Variants in SEC24D observed in about 807,000 individuals in gnomAD.
SEC24D encodes protein transport protein Sec24D.
SEC24D carries 69 observed loss-of-function variants against 116.9 expected under a neutral mutation model. That is an observed-to-expected ratio of 0.59 (90% confidence interval 0.49 to 0.72). The LOEUF (loss-of-function observed/expected upper bound fraction) is 0.72, where lower values mean the gene tolerates loss of function less well. SEC24D is among the 30% of genes least tolerant of loss of function. The probability of loss-of-function intolerance (pLI) is 0.00; values close to 1 mark genes in which losing one functional copy is unlikely to be tolerated. For synonymous variants in SEC24D, 405 were observed against 442.8 expected (o/e 0.91, Z 1.07); for missense variants, 1,131 against 1,264.1 (o/e 0.89, Z 1.60).
rs6843524 is a variant in SEC24D, at chr4:118,815,443, C to T, written c.673+8G>A. ...ACAAAGCCTTCCCCTGCACCCTGTC[C>T]GCCTTACCCTGCTGCGGAGGATATC... On this transcript the variant is annotated splice_region_variant and intron_variant, in intron 5 of 22. Transcript: ENST00000280551. 0.88 allele frequency: 1,424,057 copies of T among 1,613,090 alleles called. 629,744 individuals are homozygous for T. Among genetic ancestry groups the T allele is most frequent in the Middle Eastern group, 0.94 (5,504 of 5,868 alleles).
chr4:118,801,417 C>CA (rs1228464424), intron 7 of SEC24D, among the ~76,000 whole-genome samples: 1 of 151,934 alleles, frequency 6.6e-6, no homozygotes, highest in Non-Finnish European at 1.5e-5. Context: ...CCCAGGTAAG[C>CA]AGTAACAGAG....
At chr4:118,816,089 T>C in intron 4 of SEC24D, among the ~76,000 whole-genome samples, 3 of 27,272 alleles carry the variant, frequency 1.1e-4, no homozygotes, top group African/African-American at 2.5e-4. Context: ...GCCAAGTTCA[T>C]TTTTTTTTTT....
In SEC24D at chr4:118,780,906, G is replaced by GATTTTTTTTTTTTT. The variant is rs1728368824; in HGVS notation, c.1042-12596_1042-12595insAAAAAAAAAAAAAT. On this transcript the variant is annotated intron_variant, in intron 8 of 22. Coordinates refer to ENST00000280551, the MANE Select transcript of SEC24D (RefSeq NM_014822.4). ...ATCAGAGACTAGGATTGCAACCCCT[G>GATTTTTTTTTTTTT]CTTTTTTTTTTTTTTTTTTTTTTTT... is the stretch of plus-strand genomic sequence containing the variant. Among the ~76,000 whole-genome samples, 12 of 106,112 alleles carry GATTTTTTTTTTTTT rather than the reference G, an allele frequency of 1.1e-4. 1 individual carries two copies. Among genetic ancestry groups the GATTTTTTTTTTTTT allele is most frequent in the East Asian group, 2.8e-4 (1 of 3,584 alleles). The allele number at this position is 106,112 out of a possible 152,430, so 69.6% of individuals were successfully genotyped here.
At chr4:118,821,121 T>G (rs1049211892) in intron 3 of SEC24D, among the ~76,000 whole-genome samples, 1 of 152,136 alleles carries the variant, frequency 6.6e-6, no homozygotes, top group South Asian at 2.1e-4. Context: ...ACCTAGCCCA[T>G]AGAGAAAAAA....
At chr4:118,778,490 C>T (rs945926685) in intron 8 of SEC24D, among the ~76,000 whole-genome samples, 15 of 152,148 alleles carry the variant, frequency 9.9e-5, no homozygotes, top group African/African-American at 1.9e-4. Flanking sequence ...ACCAGTACCA[C>T]GCTGATTTGG....
Position 118,761,224 on chromosome 4 carries a change from T to C in SEC24D, c.1297-3379A>G, listed in dbSNP as rs116230293. On this transcript the variant is annotated intron_variant, in intron 10 of 22. Transcript: ENST00000280551. Reference sequence around the variant, plus strand: ...GGAAATTTACTGAGTCCTCAGAGCCTAGCACAGAGCATGGCACCACAAACA... The same window carrying C: ...GGAAATTTACTGAGTCCTCAGAGCCCAGCACAGAGCATGGCACCACAAACA... 3.1e-3 allele frequency among the ~76,000 whole-genome samples: 470 copies of C among 152,266 alleles called. 1 individual carries two copies. Among genetic ancestry groups the C allele is most frequent in the African/African-American group, 0.011 (446 of 41,570 alleles).
At chr4:118,735,563 G>A (rs926328920) in intron 19 of SEC24D, among the ~76,000 whole-genome samples, 11 of 151,858 alleles carry the variant, frequency 7.2e-5, no homozygotes, top group Non-Finnish European at 1.5e-4. Context: ...AAGGTCATTT[G>A]ACTTGCCTTT....
intron 4 of SEC24D, among the ~76,000 whole-genome samples, chr4:118,816,350 T>C (rs1472340604): frequency 2.0e-5 from 3 of 152,190 alleles, no homozygotes; most frequent in Non-Finnish European, 2.9e-5. Flanking sequence ...CTGTATCTGG[T>C]ACAAATCTAG....
Position 118,815,434 on chromosome 4 carries a change from C to T in SEC24D, c.673+17G>A, listed in dbSNP as rs771053460. The T allele has an allele frequency of 5.6e-6, 9 of 1,613,032 alleles. No individual in the cohort carries two copies. The African/African-American group carries it at 8.0e-5, about 14-fold the overall frequency. On this transcript the variant is annotated intron_variant, in intron 5 of 22. Transcript: ENST00000280551. ...CTGGGTAACACAAAGCCTTCCCCTG[C>T]ACCCTGTCCGCCTTACCCTGCTGCG...
At position 118,752,736 on chromosome 4, in the gene SEC24D, A is replaced by C; in HGVS notation, c.1574T>G (p.Phe525Cys). 1 of 1,609,486 alleles carries C rather than the reference A, an allele frequency of 6.2e-7. No individual in the cohort carries two copies. Among genetic ancestry groups the C allele is most frequent in the Admixed American group, 1.7e-5 (1 of 58,924 alleles). The change falls in exon 12 of 23, where the codon TTC (phenylalanine) becomes TGC (cysteine). Residue 525 changes from phenylalanine (F) to cysteine (C), a missense_variant. Coordinates refer to ENST00000280551, the MANE Select transcript of SEC24D (RefSeq NM_014822.4). ...TTGGGATTCTTGATAGTTGACAAGG[A>C]AACCATCCAACAAAGGAACAAAGAC... ...GEVFVPLLDG[F>C]LVNYQESQSV...
chr4:118,833,378 C>T (rs1730957530), intron 2 of SEC24D: 1 of 422,698 alleles, frequency 2.4e-6, no homozygotes, highest in Non-Finnish European at 4.2e-6. Flanking sequence ...TATTTAAAAA[C>T]CAAACTTGTA....
At chr4:118,791,007 C>T (rs948679067) in intron 8 of SEC24D, among the ~76,000 whole-genome samples, 2 of 151,368 alleles carry the variant, frequency 1.3e-5, no homozygotes, top group African/African-American at 4.9e-5. Context: ...AATACATTTG[C>T]TTAGAAAAGA....
chr4:118,757,693 G>A (rs1032514206), intron 11 of SEC24D, 28 bp downstream of exon 11: 1 of 1,596,090 alleles, frequency 6.3e-7, no homozygotes, highest in Non-Finnish European at 8.5e-7. Flanking sequence ...TAATGTATAA[G>A]TTGTAAAAAG....
chr4:118,723,645 A>G lies in SEC24D; in HGVS notation c.2969T>C (p.Val990Ala), dbSNP rs781774907. The G allele has an allele frequency of 7.5e-6, 12 of 1,607,390 alleles. No individual in the cohort carries two copies. The highest frequency in any genetic ancestry group is 9.3e-6 in the Non-Finnish European group (11 of 1,178,196). Residue 990 changes from valine to alanine, a missense_variant, in exon 23 of 23, where the codon GTA (valine) becomes GCA (alanine). Transcript: ENST00000280551. ...KRPYSMKLTI[V>A]KQREQPEMVF... ...CATTTCTGGTTGTTCTCGCTGCTTT[A>G]CAATTGTGAGCTAGGAAAAAAAAAA...
intron 8 of SEC24D, among the ~76,000 whole-genome samples, chr4:118,769,393 A>C (rs1207489770): frequency 6.6e-6 from 1 of 152,168 alleles, no homozygotes; most frequent in African/African-American, 2.4e-5. Context: ...TGTTTTTGTA[A>C]ATCTCCTTAA....
chr4:118,723,377 TA>T lies in SEC24D; in HGVS notation c.*137del. ...TACCTGAGCACCAAAGCTGAAGTTCTAAATGCCATCTCTTCCTGGAAAGTTA... is the reference window on the plus strand; with the variant it reads ...TACCTGAGCACCAAAGCTGAAGTTCTAATGCCATCTCTTCCTGGAAAGTTA... On this transcript the variant is annotated 3_prime_UTR_variant, in exon 23 of 23. Coordinates refer to ENST00000280551, the MANE Select transcript of SEC24D (RefSeq NM_014822.4). The T allele has an allele frequency of 1.2e-6, 1 of 844,136 alleles. No individual in the cohort carries two copies. The highest frequency in any genetic ancestry group is 1.8e-6 in the Non-Finnish European group (1 of 554,498). The allele number at this position is 844,136 out of a possible 1,614,324, so 52.3% of individuals were successfully genotyped here.
Position 118,805,840 on chromosome 4 carries a change from T to A in SEC24D, c.913+3A>T. On this transcript the variant is annotated splice_donor_region_variant and intron_variant, in intron 7 of 22. Coordinates refer to ENST00000280551, the MANE Select transcript of SEC24D (RefSeq NM_014822.4). ...AATAAATGGCATAATTAAAAACAAA[T>A]ACCTTGGTCTTGTATCATGCAATCT... 1 of 1,505,832 alleles carries A rather than the reference T, an allele frequency of 6.6e-7. No individual in the cohort carries two copies. Among genetic ancestry groups the A allele is most frequent in the Non-Finnish European group, 8.9e-7 (1 of 1,127,222 alleles). The allele number at this position is 1,505,832 out of a possible 1,614,324, so 93.3% of individuals were successfully genotyped here. A position where few individuals can be genotyped will look rare whatever the true frequency, so the allele number is the denominator to read the frequency against.
At chr4:118,751,666 G>A (rs538341596) in intron 13 of SEC24D, among the ~76,000 whole-genome samples, 434 of 152,254 alleles carry the variant, frequency 2.9e-3, no homozygotes, top group Admixed American at 6.0e-3. Context: ...GGCTGGGGAG[G>A]GTGATATGGG....
chr4:118,815,692 AG>A lies in SEC24D; in HGVS notation c.431del (p.Pro144LeufsTer127). The A allele has an allele frequency of 1.2e-6, 2 of 1,614,098 alleles. No individual in the cohort carries two copies. Among genetic ancestry groups the A allele is most frequent in the Non-Finnish European group, 1.7e-6 (2 of 1,180,012 alleles). ...GCAATGATGTGGCTGACAGAGGGCC[AG>A]GGGGTCCCTGGCTTGGAGGAGCCAT... is the stretch of plus-strand genomic sequence containing the variant. ...SGMAPPSQGP[P>X]GPLSATSLQT... On this transcript the variant is annotated frameshift_variant, in exon 5 of 23. Coordinates refer to ENST00000280551, the MANE Select transcript of SEC24D (RefSeq NM_014822.4). LOFTEE classifies it high-confidence loss of function.
Sources: allele counts gnomAD v4.1 joint callset (sites outside exome capture counted in the v4.1 genomes callset), GRCh38; gene constraint gnomAD v4.1.1; transcripts MANE v1.5; gene names NCBI Gene and HGNC (gene_info 2026-07-23, HGNC 2026-07-21).